The following ZNF33A variants were observed in gnomAD, a reference collection of about 807,000 sequenced individuals.
ZNF33A encodes zinc finger protein 33A, also known as brain my041 protein.
In ZNF33A, 9 loss-of-function variants were observed where a neutral mutation model predicts 15.9. The observed-to-expected ratio is 0.57, with a 90% confidence interval of 0.34 to 0.99. The LOEUF (loss-of-function observed/expected upper bound fraction) is 0.99. Among genes scored for constraint, ZNF33A ranks in the 50% least tolerant of loss-of-function variants. ZNF33A has a pLI of 0.02. For synonymous variants in ZNF33A, 294 were observed against 324.2 expected (o/e 0.91, Z 1.00); for missense variants, 843 against 941.6 (o/e 0.90, Z 1.37).
rs1426851591 is a variant in ZNF33A at position 38,056,848 on chromosome 10, T to G, written c.*288T>G. ...AATACGACAAGTTATGTTTTGAGTTTGATGCCATAATAGTTTTTAGGGCAC... is the reference window on the plus strand; with the variant it reads ...AATACGACAAGTTATGTTTTGAGTTGGATGCCATAATAGTTTTTAGGGCAC... On this transcript the variant is annotated 3_prime_UTR_variant, in exon 5 of 5. Transcript: ENST00000432900. 1 of 1,091,730 alleles carries G rather than the reference T, an allele frequency of 9.2e-7. No individual in the cohort carries two copies. The highest frequency in any genetic ancestry group is 1.6e-5 in the African/African-American group (1 of 60,658). The allele number at this position is 1,091,730 out of a possible 1,614,324, so 67.6% of individuals were successfully genotyped here. A position where few individuals can be genotyped will look rare whatever the true frequency, so the allele number is the denominator to read the frequency against.
chr10:38,019,206 A>T (rs556801731), intron 4 of ZNF33A, among the ~76,000 whole-genome samples: 3 of 151,540 alleles, frequency 2.0e-5, no homozygotes, highest in Non-Finnish European at 4.4e-5. Context: ...TCATTGTTCA[A>T]TTCTCACCTG....
intron 4 of ZNF33A, among the ~76,000 whole-genome samples, chr10:38,028,170 A>G (rs1019502764): frequency 1.3e-5 from 2 of 151,954 alleles, no homozygotes; most frequent in Non-Finnish European, 2.9e-5. Context: ...TGGGAGGATG[A>G]GGGAGGAGGA....
At position 38,012,425 on chromosome 10, in the gene ZNF33A, G is replaced by GTTTTT. The variant is rs10716292; in HGVS notation, c.9+93_9+97dup. ...ATTTGTAAGAGTCGATATGGTGTTT[G>GTTTTT]TTTTTTTTTTTTTTTTTTTTTTGTG... On this transcript the variant is annotated intron_variant, in intron 2 of 4. Transcript: ENST00000432900. 8.8e-3 allele frequency: 4,654 copies of GTTTTT among 526,994 alleles called. 14 individuals carry two copies. The highest frequency in any genetic ancestry group is 0.017 in the South Asian group (719 of 41,156). The allele number at this position is 526,994 out of a possible 1,614,324, so 32.6% of individuals were successfully genotyped here. A position where few individuals can be genotyped will look rare whatever the true frequency, so the allele number is the denominator to read the frequency against.
At chr10:38,042,227 C>T (rs1403207591) in intron 4 of ZNF33A, among the ~76,000 whole-genome samples, 2 of 151,812 alleles carry the variant, frequency 1.3e-5, no homozygotes, top group African/African-American at 4.8e-5. Flanking sequence ...CTTTGTTGCC[C>T]AGGCTGGAGT....
Position 38,054,964 on chromosome 10 carries a change from T to A in ZNF33A, c.840T>A (p.Cys280Ter). The change falls in exon 5 of 5, where the codon TGT (cysteine) becomes TGA (stop). Residue 280 changes from cysteine (C) to a stop codon, truncating the protein, a stop_gained. Coordinates refer to ENST00000432900, the MANE Select transcript of ZNF33A (RefSeq NM_006954.2). LOFTEE classifies it low-confidence loss of function (END_TRUNC). ...SRDNHYEFSD[C>*]EKFLCVKSTL... ...ACAATCACTATGAATTTAGTGATTG[T>A]GAGAAGTTCTTATGTGTGAAGTCCA... 1 of 1,613,940 alleles carries A rather than the reference T, an allele frequency of 6.2e-7. No individual in the cohort carries two copies. Among genetic ancestry groups the A allele is most frequent in the Non-Finnish European group, 8.5e-7 (1 of 1,179,826 alleles).
intron 4 of ZNF33A, among the ~76,000 whole-genome samples, chr10:38,052,881 T>C (rs939142954): frequency 1.3e-5 from 2 of 151,862 alleles, no homozygotes; most frequent in African/African-American, 2.4e-5. Flanking sequence ...GTGGATCAGG[T>C]CTTTTATTTT....
intron 4 of ZNF33A, among the ~76,000 whole-genome samples, chr10:38,042,175 A>G (rs2065731902): frequency 6.6e-6 from 1 of 151,006 alleles, no homozygotes; most frequent in African/African-American, 2.4e-5. Context: ...TCTGGCACAG[A>G]TTTGTTCCTC....
downstream of ZNF33A, among the ~76,000 whole-genome samples, chr10:38,065,883 G>A (rs2066705944): frequency 6.6e-6 from 1 of 151,938 alleles, no homozygotes; most frequent in South Asian, 2.1e-4. Context: ...GCTAATTTTT[G>A]TATTTTTAAT....
chr10:38,047,855 T>C (rs895907645), intron 4 of ZNF33A, among the ~76,000 whole-genome samples: 6 of 152,000 alleles, frequency 3.9e-5, no homozygotes, highest in Non-Finnish European at 8.8e-5. Flanking sequence ...TGAAGAAAAC[T>C]ACACTAAGCC....
In ZNF33A at chr10:38,055,513, C is replaced by T. The variant is rs1214925926; in HGVS notation, c.1389C>T (p.His463=). ...TSHLKVHQRT[H]TGEKPFECLE... ...ACCTTAAAGTACACCAGAGAACTCA[C>T]ACAGGTGAGAAACCTTTTGAATGTC... Residue 463 remains histidine, a synonymous_variant, in exon 5 of 5, where the codon CAC becomes CAT. Transcript: ENST00000432900. 1 of 1,613,922 alleles carries T rather than the reference C, an allele frequency of 6.2e-7. No individual in the cohort carries two copies. Among genetic ancestry groups the T allele is most frequent in the African/African-American group, 1.3e-5 (1 of 74,904 alleles).
chr10:38,053,874 T>C (rs146940053), intron 4 of ZNF33A, among the ~76,000 whole-genome samples: 3,619 of 152,310 alleles, frequency 0.024, 68 homozygotes, highest in Non-Finnish European at 0.037. Flanking sequence ...CTCTATTCCA[T>C]GTAATCACCA....
Position 38,059,694 on chromosome 10 carries a change from C to T in ZNF33A, c.*3134C>T, listed in dbSNP as rs1350819061. 1 of 152,112 alleles carries T rather than the reference C, an allele frequency of 6.6e-6. No homozygotes were observed. 9.4% of individuals were successfully genotyped at this position (152,112 alleles called of 1,614,324 possible). On this transcript the variant is annotated 3_prime_UTR_variant, in exon 5 of 5. Coordinates refer to ENST00000432900, the MANE Select transcript of ZNF33A (RefSeq NM_006954.2). ...GAGCCAGTGAAAGGACCAGTGGTTGCTGAGAGTTGAGGGGAAAGGAGGGAT... is the reference window on the plus strand; with the variant it reads ...GAGCCAGTGAAAGGACCAGTGGTTGTTGAGAGTTGAGGGGAAAGGAGGGAT...
At chr10:38,051,501 A>C (rs1173476292) in intron 4 of ZNF33A, among the ~76,000 whole-genome samples, 2 of 152,126 alleles carry the variant, frequency 1.3e-5, no homozygotes, top group African/African-American at 4.8e-5. Context: ...TTTCAATTAT[A>C]TATTGAAAAT....
rs778608159 is a variant in ZNF33A, at chr10:38,055,325, A to G, written c.1201A>G (p.Thr401Ala). 3.1e-6 allele frequency: 5 copies of G among 1,614,020 alleles called. No individual in the cohort carries two copies. The highest frequency in any genetic ancestry group is 4.2e-6 in the Non-Finnish European group (5 of 1,179,972). Residue 401 changes from threonine (T) to alanine (A), a missense_variant, in exon 5 of 5, where the codon ACA becomes GCA. Physicochemically the swap from Thr to Ala is moderately conservative, Grantham distance 58. Coordinates refer to ENST00000432900, the MANE Select transcript of ZNF33A (RefSeq NM_006954.2). ...GKAFSHKSAL[T>A]LHQRTHTGEK... Reference sequence around the variant, plus strand: ...AGCCTTTAGCCATAAGTCAGCCCTCACATTACACCAGAGAACACATACAGG... The same window carrying G: ...AGCCTTTAGCCATAAGTCAGCCCTCGCATTACACCAGAGAACACATACAGG...
At chr10:38,023,950 G>C (rs911363985) in intron 4 of ZNF33A, among the ~76,000 whole-genome samples, 1 of 152,030 alleles carries the variant, frequency 6.6e-6, no homozygotes, top group Non-Finnish European at 1.5e-5. Context: ...CCTGAGATCG[G>C]GAGTTCAAGA....
chr10:38,062,375 G>A (rs2066665041), downstream of ZNF33A, among the ~76,000 whole-genome samples: 1 of 152,154 alleles, frequency 6.6e-6, no homozygotes, highest in African/African-American at 2.4e-5. Flanking sequence ...TGGAAATTTG[G>A]CATTTGGCCA....
At chr10:38,053,668 A>G (rs190995740) in intron 4 of ZNF33A, among the ~76,000 whole-genome samples, 31 of 152,264 alleles carry the variant, frequency 2.0e-4, no homozygotes, top group Non-Finnish European at 3.2e-4. Flanking sequence ...CCCTCTTTAC[A>G]ACTTCATTCC....
intron 4 of ZNF33A, among the ~76,000 whole-genome samples, chr10:38,041,713 AC>A (rs2135696580): frequency 6.6e-6 from 1 of 152,336 alleles, no homozygotes; most frequent in African/African-American, 2.4e-5. Context: ...GGGAAGCTCA[AC>A]CAGTAAGTAT....
downstream of ZNF33A, among the ~76,000 whole-genome samples, chr10:38,065,388 A>C (rs1199631494): frequency 1.3e-5 from 2 of 152,126 alleles, no homozygotes; most frequent in Non-Finnish European, 2.9e-5. Flanking sequence ...GCTTTTAATC[A>C]TTCCTTAGTG....
Sources: gnomAD v4.1 joint callset for allele counts (sites outside exome capture counted in the v4.1 genomes callset) on GRCh38, gnomAD v4.1.1 for gene constraint, MANE v1.5 for transcripts, NCBI Gene and HGNC (gene_info 2026-07-23, HGNC 2026-07-21) for gene names.